Variants in PCDHA5 observed in about 807,000 individuals in gnomAD.
PCDHA5 encodes protocadherin alpha 5.
In PCDHA5, 43 loss-of-function variants were observed where a neutral mutation model predicts 61.6. That is an observed-to-expected ratio of 0.70 (90% CI 0.55 to 0.90). The LOEUF is 0.90. Among genes scored for constraint, PCDHA5 ranks in the 40% least tolerant of loss-of-function variants. PCDHA5 has a pLI of 0.00. For missense variants in PCDHA5, 1,298 were observed against 1,222.7 expected (o/e 1.06, Z -0.92); for synonymous variants, 627 against 543.9 (o/e 1.15, Z -2.13).
chr5:140,826,174 C>T (rs1554130474), intron 1 of PCDHA5, among the ~76,000 whole-genome samples: 1 of 152,112 alleles, frequency 6.6e-6, no homozygotes, highest in Non-Finnish European at 1.5e-5. Flanking sequence ...TTTTGTCATT[C>T]TATAAATCTA....
At position 140,946,611 on chromosome 5, in the gene PCDHA5, A is replaced by AATATATAT. The variant is rs1554217734; in HGVS notation, c.2353-32324_2353-32317dup. Among the ~76,000 whole-genome samples, 282 of 86,744 alleles carry AATATATAT rather than the reference A, an allele frequency of 3.3e-3. 10 individuals carry two copies. Among genetic ancestry groups the AATATATAT allele is most frequent in the African/African-American group, 0.015 (234 of 15,690 alleles). The allele number at this position is 86,744 out of a possible 152,430, so 56.9% of individuals were successfully genotyped here. A position where few individuals can be genotyped will look rare whatever the true frequency, so the allele number is the denominator to read the frequency against. Reference sequence around the variant, plus strand: ...GGATGAATAGATAAAGAAAATGTGAAATATATATATATATATATATACAAT... The same window carrying AATATATAT: ...GGATGAATAGATAAAGAAAATGTGAAATATATATATATATATATATATATATATACAAT... On this transcript the variant is annotated intron_variant, in intron 1 of 3. Coordinates refer to ENST00000529859, the MANE Select transcript of PCDHA5 (RefSeq NM_018908.3).
chr5:140,867,681 A>T (rs759356211), intron 1 of PCDHA5: 1 of 152,096 alleles, frequency 6.6e-6, no homozygotes, highest in African/African-American at 2.4e-5. Context: ...ATTTTGTTGC[A>T]TCTTCTTTTT....
chr5:140,972,260 C>T (rs155805), intron 1 of PCDHA5, among the ~76,000 whole-genome samples: 8,116 of 151,624 alleles, frequency 0.054, 294 homozygotes, highest in Middle Eastern at 0.15. Flanking sequence ...ACACATCAGC[C>T]TCCTGAGTAG....
intron 1 of PCDHA5, among the ~76,000 whole-genome samples, chr5:140,946,098 A>G (rs1249581075): frequency 6.6e-6 from 1 of 152,114 alleles, no homozygotes; most frequent in Non-Finnish European, 1.5e-5. Flanking sequence ...AGGAGTTAAC[A>G]TACCAAATAT....
intron 1 of PCDHA5, chr5:140,857,754 C>T: frequency 6.3e-7 from 1 of 1,597,392 alleles, no homozygotes; most frequent in Non-Finnish European, 8.6e-7. Flanking sequence ...GCGTCTCCCG[C>T]TGGCAGCGCG....
intron 2 of PCDHA5, chr5:140,982,223 TA>T: frequency 5.2e-6 from 3 of 580,212 alleles, no homozygotes; most frequent in East Asian, 4.0e-5. Context: ...ATGGCGTTAA[TA>T]AAAAACAGAA....
chr5:140,850,511 C>T (rs2150486900), intron 1 of PCDHA5: 2 of 1,598,036 alleles, frequency 1.3e-6, no homozygotes, highest in East Asian at 2.2e-5. Context: ...TGGTGGAGAG[C>T]GGCCAGGCGC....
Position 141,009,935 on chromosome 5 carries a change from T to TGAG in PCDHA5, c.2811_*2dup. Reference sequence around the variant, plus strand: ...CAGCACGACTGACAACAGTGACCAGTGAGGTCCTCAAATGGAAACAAGCCA... The same window carrying TGAG: ...CAGCACGACTGACAACAGTGACCAGTGAGGAGGTCCTCAAATGGAAACAAGCCA... On this transcript the variant is annotated inframe_insertion and stop_retained_variant, in exon 4 of 4. Transcript: ENST00000529859. 6.2e-7 allele frequency: 1 copy of TGAG among 1,602,418 alleles called. No individual in the cohort carries two copies. The highest frequency in any genetic ancestry group is 8.5e-7 in the Non-Finnish European group (1 of 1,176,054).
At chr5:140,828,672 T>G in intron 1 of PCDHA5, 2 of 1,614,182 alleles carry the variant, frequency 1.2e-6, no homozygotes, top group South Asian at 2.2e-5. Context: ...CAAATTGGGC[T>G]CTTATTAAAG....
intron 1 of PCDHA5, among the ~76,000 whole-genome samples, chr5:140,943,772 T>G (rs371770047): frequency 2.9e-4 from 44 of 152,232 alleles, no homozygotes; most frequent in African/African-American, 6.7e-4. Context: ...GGAAAAAAAC[T>G]AGGAAGTGGT....
intron 1 of PCDHA5, chr5:140,969,250 C>T (rs1554231631): frequency 6.2e-7 from 1 of 1,614,216 alleles, no homozygotes; most frequent in Admixed American, 1.7e-5. Flanking sequence ...CAGTGACTGA[C>T]AGCAGGAATC....
chr5:140,980,857 T>C (rs2153822974), intron 2 of PCDHA5, among the ~76,000 whole-genome samples: 1 of 152,334 alleles, frequency 6.6e-6, no homozygotes. Flanking sequence ...ATCTTTTTCG[T>C]ATGTGTGCTT....
At chr5:140,876,724 G>T (rs140611870) in intron 1 of PCDHA5, 2 of 1,614,246 alleles carry the variant, frequency 1.2e-6, no homozygotes, top group Non-Finnish European at 1.7e-6. Context: ...CCGCGAGAGC[G>T]TGTCGGCCTA....
rs868958947 is a variant in PCDHA5 at position 140,854,334 on chromosome 5, C to T, written c.2352+30207C>T. On this transcript the variant is annotated intron_variant, in intron 1 of 3. Transcript: ENST00000529859. ...ATTGATCAATGGCAAACTTATTTTA[C>T]GCTCCAGATAGCTAAAACAAACGTT... The T allele has an allele frequency of 4.5e-5, 9 of 198,856 alleles. 1 individual carries two copies. The highest frequency in any genetic ancestry group is 1.9e-4 in the East Asian group (1 of 5,382). The allele number at this position is 198,856 out of a possible 1,614,324, so 12.3% of individuals were successfully genotyped here. A position where few individuals can be genotyped will look rare whatever the true frequency, so the allele number is the denominator to read the frequency against.
chr5:140,967,745 G>T, intron 1 of PCDHA5: 1 of 1,614,184 alleles, frequency 6.2e-7, no homozygotes, highest in Non-Finnish European at 8.5e-7. Flanking sequence ...GGATTATGAG[G>T]AAGCCTCCTC....
intron 1 of PCDHA5, chr5:140,829,262 C>T (rs1770191839): frequency 6.2e-7 from 1 of 1,614,142 alleles, no homozygotes; most frequent in Non-Finnish European, 8.5e-7. Context: ...CTCGCTGACG[C>T]CTCACGTCCC....
At chr5:140,909,868 G>A (rs782144709) in intron 1 of PCDHA5, among the ~76,000 whole-genome samples, 9 of 152,136 alleles carry the variant, frequency 5.9e-5, no homozygotes, top group Non-Finnish European at 8.8e-5. Flanking sequence ...TGGAGTCAAC[G>A]TCAGCTTAGA....
chr5:140,967,052 A>C (rs1554229118), intron 1 of PCDHA5: 1 of 1,612,532 alleles, frequency 6.2e-7, no homozygotes, highest in Non-Finnish European at 8.5e-7. Context: ...GGACCTGACG[A>C]GTGGAGCGCT....
At chr5:140,853,884 T>G in intron 1 of PCDHA5, 1 of 980,606 alleles carries the variant, frequency 1.0e-6, no homozygotes, top group South Asian at 4.8e-5. Flanking sequence ...TTTCTGTAAT[T>G]TAAAAAGATG....
Sources: allele counts gnomAD v4.1 joint callset (sites outside exome capture counted in the v4.1 genomes callset), GRCh38; gene constraint gnomAD v4.1.1; transcripts MANE v1.5; gene names NCBI Gene and HGNC (gene_info 2026-07-23, HGNC 2026-07-21).